The following CLTC variants were observed in gnomAD, a reference collection of about 807,000 sequenced individuals.
The protein encoded by CLTC is clathrin heavy chain.
CLTC carries 16 observed loss-of-function variants against 195.8 expected under a neutral mutation model. That is an observed-to-expected ratio of 0.08 (90% CI 0.06 to 0.12). The LOEUF is 0.12. Ranked by LOEUF, CLTC falls within the 10% of genes least tolerant of loss-of-function variation. The pLI, the probability that CLTC is intolerant of heterozygous loss-of-function variation, is 1.00. For synonymous variants in CLTC, 667 were observed against 689.4 expected (o/e 0.97, Z 0.51); for missense variants, 796 against 2,027.0 (o/e 0.39, Z 11.66).
intron 30 of CLTC, chr17:59,687,168 A>G (rs1171802361): frequency 9.7e-6 from 2 of 206,338 alleles, no homozygotes; most frequent in Non-Finnish European, 8.5e-6. Flanking sequence ...CCCTTGAAAC[A>G]TAACTTTAAT....
intron 13 of CLTC, 109 bp from the exon 14 acceptor site, chr17:59,668,668 A>G: frequency 1.1e-6 from 1 of 906,908 alleles, no homozygotes; most frequent in East Asian, 2.8e-5. Flanking sequence ...TTAAGCAACC[A>G]ACTTATATTT....
intron 18 of CLTC, among the ~76,000 whole-genome samples, chr17:59,680,407 T>C (rs930441227): frequency 9.2e-5 from 14 of 152,320 alleles, no homozygotes; most frequent in East Asian, 3.9e-4. Context: ...GAGATAAGTA[T>C]AAATAAAATA....
Position 59,666,449 on chromosome 17 carries a change from C to T in CLTC, c.1783-31C>T. 6.2e-7 allele frequency: 1 copy of T among 1,605,372 alleles called. No homozygotes were observed. Among genetic ancestry groups the T allele is most frequent in the South Asian group, 1.1e-5 (1 of 90,188 alleles). On this transcript the variant is annotated intron_variant, in intron 11 of 31. Transcript: ENST00000269122. The surrounding 1 kb of genome is among the most constrained non-coding windows in gnomAD (Gnocchi z 4.9). ...GAATTACTCATGTAAGTGGAGTGGACAATAAACTTGCCTTGTTTGTGGTTT... is the reference window on the plus strand; with the variant it reads ...GAATTACTCATGTAAGTGGAGTGGATAATAAACTTGCCTTGTTTGTGGTTT...
chr17:59,639,584 A>G (rs1598208092), intron 1 of CLTC, among the ~76,000 whole-genome samples: 1 of 152,206 alleles, frequency 6.6e-6, no homozygotes, highest in East Asian at 1.9e-4. Context: ...TATTACATGT[A>G]TTTCAGATAT....
intron 10 of CLTC, 61 bp downstream of exon 10, chr17:59,664,970 T>A: frequency 6.3e-7 from 1 of 1,592,562 alleles, no homozygotes; most frequent in Non-Finnish European, 8.6e-7. Context: ...GGGCCAGCCA[T>A]GGTGGTTGAC....
chr17:59,644,291 A>G lies in CLTC; in HGVS notation c.58A>G (p.Ile20Val). The G allele has an allele frequency of 6.2e-7, 1 of 1,613,898 alleles. No individual in the cohort carries two copies. Among genetic ancestry groups the G allele is most frequent in the Non-Finnish European group, 8.5e-7 (1 of 1,179,860 alleles). The change falls in exon 2 of 32, where the codon ATC becomes GTC. Residue 20 changes from isoleucine to valine, a missense_variant. This residue lies in a region of CLTC where 24 missense variants were observed against 29.8 expected (regional missense o/e 0.81). Transcript: ENST00000269122. ...TTTTTTCTAGCTCCAGAACCTGGGT[A>G]TCAACCCAGCAAACATTGGCTTCAG... is the stretch of plus-strand genomic sequence containing the variant. ...QEHLQLQNLG[I>V]NPANIGFSTL... is the part of the protein sequence containing the mutation.
chr17:59,653,509 C>T (rs1285163487), intron 5 of CLTC, among the ~76,000 whole-genome samples: 2 of 150,230 alleles, frequency 1.3e-5, no homozygotes, highest in Non-Finnish European at 3.0e-5. Context: ...CCCTCTCCTT[C>T]TGCCTCTCCC....
chr17:59,628,568 G>A (rs763923517), intron 1 of CLTC, among the ~76,000 whole-genome samples: 19 of 152,244 alleles, frequency 1.2e-4, no homozygotes, highest in African/African-American at 3.4e-4. Flanking sequence ...TTCTGCATCC[G>A]TCGATTTCTG....
At chr17:59,664,104 T>G in intron 9 of CLTC, 110 bp downstream of exon 9, 1 of 937,198 alleles carries the variant, frequency 1.1e-6, no homozygotes, top group Non-Finnish European at 1.6e-6. Context: ...TTCATTTTGA[T>G]TTACTTTGAA....
Position 59,666,408 on chromosome 17 carries a change from C to G in CLTC, c.1783-72C>G. On this transcript the variant is annotated intron_variant, in intron 11 of 31. Transcript: ENST00000269122. This position sits in a 1 kb window ranked among gnomAD's most constrained non-coding sequence, Gnocchi z 4.9. The stretch of plus-strand genomic sequence containing the variant: ...TAACAGTTCACTATTAAACCTTAAT[C>G]TGTAATACGGATATTGAATTACTCA... The G allele has an allele frequency of 6.5e-7, 1 of 1,546,094 alleles. No homozygotes were observed. The highest frequency in any genetic ancestry group is 1.2e-5 in the South Asian group (1 of 83,978).
At chr17:59,656,862 C>T (rs1214637244) in intron 6 of CLTC, among the ~76,000 whole-genome samples, 6 of 151,600 alleles carry the variant, frequency 4.0e-5, no homozygotes, top group East Asian at 1.9e-4. Context: ...TTAGTAGAGG[C>T]GGGCTTTCAC....
intron 1 of CLTC, among the ~76,000 whole-genome samples, chr17:59,637,670 C>CT (rs907002220): frequency 7.2e-6 from 1 of 139,118 alleles, no homozygotes; most frequent in Non-Finnish European, 1.5e-5. Flanking sequence ...GGAGACCAGA[C>CT]TGGGAAACAA....
At chr17:59,658,539 T>C (rs911225450) in intron 6 of CLTC, 1 of 152,260 alleles carries the variant, frequency 6.6e-6, no homozygotes, top group African/African-American at 2.4e-5. Flanking sequence ...TACTCTTTGC[T>C]AAAGTCTACC....
chr17:59,664,763 G>GT, intron 9 of CLTC, 24 bp from the exon 10 acceptor site: 1 of 1,609,704 alleles, frequency 6.2e-7, no homozygotes, highest in Non-Finnish European at 8.5e-7. Context: ...TAGGAGCAGC[G>GT]TTTAAGTCTT....
At chr17:59,656,103 A>G (rs2032458872) in intron 6 of CLTC, 76 bp downstream of exon 6, 2 of 1,279,738 alleles carry the variant, frequency 1.6e-6, no homozygotes, top group Non-Finnish European at 2.1e-6. Context: ...CTTTTGAGAA[A>G]TTACTCCCCA....
intron 30 of CLTC, 77 bp from the exon 31 acceptor site, chr17:59,690,559 G>T (rs567595018): frequency 1.4e-5 from 14 of 970,786 alleles, no homozygotes; most frequent in Admixed American, 2.1e-5. Context: ...ACATACTAAG[G>T]CTTTTCCACT....
intron 5 of CLTC, among the ~76,000 whole-genome samples, chr17:59,654,805 ACTG>A (rs1231445144): frequency 2.0e-5 from 3 of 152,222 alleles, no homozygotes; most frequent in African/African-American, 7.2e-5. Context: ...AGAGAAAAAA[ACTG>A]CTCATTTAGA....
At chr17:59,631,476 T>G (rs142977590) in intron 1 of CLTC, among the ~76,000 whole-genome samples, 2 of 152,236 alleles carry the variant, frequency 1.3e-5, no homozygotes, top group African/African-American at 4.8e-5. Flanking sequence ...AAAGAAAACT[T>G]TAGAAAATTG....
intron 13 of CLTC, 43 bp downstream of exon 13, chr17:59,667,020 A>T (rs1383261054): frequency 6.7e-7 from 1 of 1,498,178 alleles, no homozygotes; most frequent in Non-Finnish European, 9.2e-7. Context: ...TACTTAAGGT[A>T]GCCAAGAAGA....
Sources: gnomAD v4.1 joint callset for allele counts (sites outside exome capture counted in the v4.1 genomes callset) on GRCh38, gnomAD v4.1.1 for gene constraint, gnomAD v4.1.1 regional missense constraint, Gnocchi (gnomAD v3.1) non-coding constraint, MANE v1.5 for transcripts, NCBI Gene and HGNC (gene_info 2026-07-23, HGNC 2026-07-21) for gene names.